Variants in RAB3GAP1 observed in about 807,000 individuals in gnomAD.
The protein encoded by RAB3GAP1 is rab3 GTPase-activating protein catalytic subunit.
RAB3GAP1 carries 86 observed loss-of-function variants against 130.7 expected under a neutral mutation model. That is an observed-to-expected ratio of 0.66 (90% CI 0.55 to 0.79). The LOEUF (loss-of-function observed/expected upper bound fraction) is 0.79. Ranked by LOEUF, RAB3GAP1 falls within the 30% of genes least tolerant of loss-of-function variation. The pLI, the probability that RAB3GAP1 is intolerant of heterozygous loss-of-function variation, is 0.00. For synonymous variants in RAB3GAP1, 367 were observed against 401.7 expected (o/e 0.91, Z 1.03); for missense variants, 1,029 against 1,169.4 (o/e 0.88, Z 1.75).
At chr2:135,084,155 G>T (rs13430259) in intron 3 of RAB3GAP1, among the ~76,000 whole-genome samples, 1 of 152,224 alleles carries the variant, frequency 6.6e-6, no homozygotes, top group South Asian at 2.1e-4. Context: ...TGAGGCAGGA[G>T]AATTGCTTGA....
At chr2:135,175,365 G>C (rs1692979244), downstream of RAB3GAP1, 1 of 152,222 alleles carries the variant, frequency 6.6e-6, no homozygotes, top group African/African-American at 2.4e-5. Flanking sequence ...GCTCCCAGGA[G>C]CTGGCATAGA....
Position 135,157,276 on chromosome 2 carries a change from C to G in RAB3GAP1, c.2289+3400C>G, listed in dbSNP as rs531257561. Among the ~76,000 whole-genome samples, 5 of 152,256 alleles carry G rather than the reference C, an allele frequency of 3.3e-5. No individual in the cohort carries two copies. In the South Asian group the frequency reaches 1.0e-3, roughly 32 times the overall value. The stretch of plus-strand genomic sequence containing the variant: ...TGAAGCAATTCTCCTGCCTCATCTT[C>G]CGAAAGTGTTGGGATTACAAGTGTG... On this transcript the variant is annotated intron_variant, in intron 19 of 23. Transcript: ENST00000264158.
chr2:135,147,216 C>T (rs1692025385), intron 17 of RAB3GAP1, among the ~76,000 whole-genome samples: 1 of 151,810 alleles, frequency 6.6e-6, no homozygotes, highest in African/African-American at 2.4e-5. Flanking sequence ...CATGGTGGTG[C>T]ATGTCTGTAG....
In RAB3GAP1 at chr2:135,129,981, T is replaced by C. The variant is rs1416251882; in HGVS notation, c.974-14T>C. Reference sequence around the variant, plus strand: ...TTCAGTTAAGTGTCAAAAATAACTTTTTTTCCTACATAGGTGATTTTGTCA... The same window carrying C: ...TTCAGTTAAGTGTCAAAAATAACTTCTTTTCCTACATAGGTGATTTTGTCA... On this transcript the variant is annotated splice_polypyrimidine_tract_variant and intron_variant, in intron 11 of 23. Coordinates refer to ENST00000264158, the MANE Select transcript of RAB3GAP1 (RefSeq NM_012233.3). 5.1e-6 allele frequency: 8 copies of C among 1,581,982 alleles called. 1 individual carries two copies. The highest frequency in any genetic ancestry group is 6.1e-6 in the Non-Finnish European group (7 of 1,153,634).
intron 3 of RAB3GAP1, among the ~76,000 whole-genome samples, chr2:135,068,024 T>TC (rs1265708799): frequency 6.6e-6 from 1 of 152,166 alleles, no homozygotes; most frequent in African/African-American, 2.4e-5. Context: ...ACAGGTGTGA[T>TC]CCACTGAGCC....
chr2:135,092,391 A>C (rs2104877481), intron 4 of RAB3GAP1, among the ~76,000 whole-genome samples: 1 of 152,358 alleles, frequency 6.6e-6, no homozygotes, highest in South Asian at 2.1e-4. Flanking sequence ...GTGCTCTGAG[A>C]TAAATAGATA....
chr2:135,138,089 A>G (rs1263747037), intron 17 of RAB3GAP1, among the ~76,000 whole-genome samples: 1 of 151,894 alleles, frequency 6.6e-6, no homozygotes, highest in Non-Finnish European at 1.5e-5. Context: ...AGCCTCCCAA[A>G]GTGCTAGGAT....
At chr2:135,168,421 G>T in intron 23 of RAB3GAP1, 124 bp from the exon 24 acceptor site, 2 of 848,936 alleles carry the variant, frequency 2.4e-6, no homozygotes, top group Non-Finnish European at 2.0e-6. Context: ...ACATATAGCT[G>T]ACTGCATTAC....
chr2:135,087,438 T>C (rs1167212045), intron 3 of RAB3GAP1, among the ~76,000 whole-genome samples: 1 of 152,246 alleles, frequency 6.6e-6, no homozygotes, highest in African/African-American at 2.4e-5. Flanking sequence ...TGCTGATGTT[T>C]TGATTGGGAT....
chr2:135,110,199 T>C (rs543499865), intron 5 of RAB3GAP1, among the ~76,000 whole-genome samples: 2 of 152,058 alleles, frequency 1.3e-5, no homozygotes, highest in East Asian at 3.9e-4. Flanking sequence ...AGTGGTGTGA[T>C]GATGGTTCAC....
At chr2:135,174,268 C>T (rs1187351322), downstream of RAB3GAP1, among the ~76,000 whole-genome samples, 13 of 7,622 alleles carry the variant, frequency 1.7e-3, no homozygotes, top group East Asian at 0.05. Context: ...AGGGTGGCGA[C>T]ATGGCCCAGC....
intron 10 of RAB3GAP1, 116 bp downstream of exon 10, chr2:135,126,365 C>A: frequency 2.1e-6 from 2 of 960,632 alleles, no homozygotes; most frequent in South Asian, 1.6e-5. Context: ...TTTTAGTGTT[C>A]CCTTTTGTGT....
At chr2:135,085,180 G>C (rs564765013) in intron 3 of RAB3GAP1, among the ~76,000 whole-genome samples, 4 of 152,166 alleles carry the variant, frequency 2.6e-5, no homozygotes, top group African/African-American at 9.6e-5. Flanking sequence ...GGCTATCTTG[G>C]AGGTGCTCGT....
rs543419122 is a variant in RAB3GAP1 at position 135,076,852 on chromosome 2, A to G, written c.151-14146A>G. Among the ~76,000 whole-genome samples, 503 of 152,342 alleles carry G rather than the reference A, an allele frequency of 3.3e-3. 5 individuals carry two copies. The highest frequency in any genetic ancestry group is 7.9e-3 in the South Asian group (38 of 4,830). Reference sequence around the variant, plus strand: ...CAGTATTTGTCCTTTTGTGTCTGACATGTTTCACTTAACATGAAACATGAA... The same window carrying G: ...CAGTATTTGTCCTTTTGTGTCTGACGTGTTTCACTTAACATGAAACATGAA... On this transcript the variant is annotated intron_variant, in intron 3 of 23. Transcript: ENST00000264158.
intron 15 of RAB3GAP1, among the ~76,000 whole-genome samples, chr2:135,134,612 T>C (rs1290454419): frequency 2.0e-5 from 3 of 152,234 alleles, no homozygotes; most frequent in East Asian, 3.8e-4. Context: ...ACCCATGCTA[T>C]GATAGGAGAA....
chr2:135,173,520 C>T (rs1692917620), downstream of RAB3GAP1, among the ~76,000 whole-genome samples: 3 of 152,168 alleles, frequency 2.0e-5, no homozygotes, highest in Admixed American at 2.0e-4. Context: ...TTGTGTCTGT[C>T]TATGCAGAGG....
chr2:135,089,323 G>A (rs575748027), intron 3 of RAB3GAP1, among the ~76,000 whole-genome samples: 9 of 152,178 alleles, frequency 5.9e-5, no homozygotes, highest in South Asian at 2.1e-4. Context: ...GTCAGGCAGC[G>A]TGATACCTCC....
chr2:135,113,055 A>G, intron 5 of RAB3GAP1, 96 bp from the exon 6 acceptor site: 1 of 1,553,222 alleles, frequency 6.4e-7, no homozygotes, highest in South Asian at 1.1e-5. Flanking sequence ...CTGACTTGTT[A>G]AATTTTCTGT....
chr2:135,101,914 T>G (rs1690461044), intron 5 of RAB3GAP1, among the ~76,000 whole-genome samples: 1 of 152,224 alleles, frequency 6.6e-6, no homozygotes, highest in South Asian at 2.1e-4. Context: ...ACACAGACTT[T>G]AACCGTAGCA....
Sources: allele counts gnomAD v4.1 joint callset (sites outside exome capture counted in the v4.1 genomes callset), GRCh38; gene constraint gnomAD v4.1.1; transcripts MANE v1.5; gene names NCBI Gene and HGNC (gene_info 2026-07-23, HGNC 2026-07-21).